The following BARD1 variants were observed in gnomAD, a reference collection of about 807,000 sequenced individuals.
BARD1 encodes BRCA1-associated RING domain protein 1.
A neutral mutation model predicts 77.0 loss-of-function variants in BARD1; 73 were observed. The observed-to-expected ratio is 0.95, with a 90% CI of 0.79 to 1.15. The LOEUF (loss-of-function observed/expected upper bound fraction) is 1.15, where lower values mean the gene tolerates loss of function less well. Ranked by LOEUF, BARD1 falls within the 50% of genes most tolerant of loss-of-function variation. The pLI, the probability that BARD1 is intolerant of heterozygous loss-of-function variation, is 0.00. For missense variants in BARD1, 993 were observed against 938.8 expected (o/e 1.06, Z -0.75); for synonymous variants, 384 against 338.0 (o/e 1.14, Z -1.49).
At chr2:214,791,292 C>T (rs575187457) in intron 3 of BARD1, among the ~76,000 whole-genome samples, 1 of 152,188 alleles carries the variant, frequency 6.6e-6, no homozygotes, top group South Asian at 2.1e-4. Flanking sequence ...AAAGTTTTTG[C>T]CACATTTATT....
At chr2:214,760,774 T>A (rs1693918015) in intron 6 of BARD1, among the ~76,000 whole-genome samples, 1 of 145,304 alleles carries the variant, frequency 6.9e-6, no homozygotes, top group African/African-American at 2.6e-5. Context: ...CACAGGGACT[T>A]TTTTCTTTTT....
intron 5 of BARD1, among the ~76,000 whole-genome samples, chr2:214,768,490 C>T (rs1271198164): frequency 1.3e-5 from 2 of 152,098 alleles, no homozygotes; most frequent in Non-Finnish European, 2.9e-5. Context: ...CAGTAGAGTC[C>T]AACCAGCAAA....
At chr2:214,773,048 T>C (rs1467597026) in intron 4 of BARD1, among the ~76,000 whole-genome samples, 3 of 152,186 alleles carry the variant, frequency 2.0e-5, no homozygotes, top group African/African-American at 7.2e-5. Context: ...CACTGAAGGC[T>C]GAAAATAAGA....
intron 6 of BARD1, among the ~76,000 whole-genome samples, chr2:214,765,020 A>G (rs1031225132): frequency 6.6e-6 from 1 of 152,096 alleles, no homozygotes; most frequent in Non-Finnish European, 1.5e-5. Flanking sequence ...CTACTTCCCA[A>G]CTGCCCAGCT....
Position 214,745,801 on chromosome 2 carries a change from C to A in BARD1, c.1731G>T (p.Leu577=). The part of the protein sequence containing the change: ...DGPLVLIGSG[L]SSEQQKMLSE... ...TGAGCATTTTCTGTTGTTCTGAAGACAGCCCACTGCCTATAAGTACAAGAG... is the reference window on the plus strand; with the variant it reads ...TGAGCATTTTCTGTTGTTCTGAAGAAAGCCCACTGCCTATAAGTACAAGAG... Residue 577 remains leucine, a synonymous_variant, in exon 8 of 11, where the codon CTG becomes CTT. Transcript: ENST00000260947. The A allele has an allele frequency of 6.2e-7, 1 of 1,613,992 alleles. No homozygotes were observed. Among genetic ancestry groups the A allele is most frequent in the Non-Finnish European group, 8.5e-7 (1 of 1,179,926 alleles).
At chr2:214,742,471 C>G (rs890576497) in intron 9 of BARD1, among the ~76,000 whole-genome samples, 3 of 152,198 alleles carry the variant, frequency 2.0e-5, no homozygotes, top group Non-Finnish European at 4.4e-5. Context: ...GGAAGTATCT[C>G]AAACTTTGAA....
rs749756887 is a variant in BARD1, at chr2:214,745,803, G to A, written c.1729C>T (p.Leu577=). The A allele has an allele frequency of 1.2e-6, 2 of 1,613,910 alleles. No homozygotes were observed. The highest frequency in any genetic ancestry group is 1.7e-4 in the Middle Eastern group (1 of 6,060). Residue 577 remains leucine (L), a synonymous_variant, in exon 8 of 11, where the codon CTG becomes TTG. Coordinates refer to ENST00000260947, the MANE Select transcript of BARD1 (RefSeq NM_000465.4). ...DGPLVLIGSG[L]SSEQQKMLSE... is the part of the protein sequence containing the mutation. ...AGCATTTTCTGTTGTTCTGAAGACA[G>A]CCCACTGCCTATAAGTACAAGAGGT... is the stretch of plus-strand genomic sequence containing the variant.
At chr2:214,788,152 G>C (rs4673901) in intron 3 of BARD1, among the ~76,000 whole-genome samples, 7,935 of 151,106 alleles carry the variant, frequency 0.053, 232 homozygotes, top group Admixed American at 0.084. Context: ...AAATAGAAAA[G>C]GAAATTGTAA....
At chr2:214,792,162 A>C (rs914735009) in intron 3 of BARD1, 135 bp downstream of exon 3, 25 of 967,668 alleles carry the variant, frequency 2.6e-5, no homozygotes, top group Admixed American at 1.3e-4. Flanking sequence ...AAAAAAAAAA[A>C]AAAAAACCTA....
chr2:214,772,745 T>A (rs1166796165), intron 4 of BARD1, among the ~76,000 whole-genome samples: 4 of 152,220 alleles, frequency 2.6e-5, no homozygotes. Context: ...TTGTCATATT[T>A]TCATCTTTCT....
At chr2:214,741,996 A>T (rs1692856479) in intron 9 of BARD1, among the ~76,000 whole-genome samples, 1 of 152,176 alleles carries the variant, frequency 6.6e-6, no homozygotes, top group Non-Finnish European at 1.5e-5. Flanking sequence ...TTACAAATAA[A>T]ATTCTACTTG....
chr2:214,783,728 C>A (rs1260306289), intron 3 of BARD1, among the ~76,000 whole-genome samples: 1 of 152,026 alleles, frequency 6.6e-6, no homozygotes, highest in Non-Finnish European at 1.5e-5. Flanking sequence ...CATCTACAAC[C>A]ATCTGATTTT....
At chr2:214,774,615 A>G (rs1694658776) in intron 4 of BARD1, among the ~76,000 whole-genome samples, 1 of 152,204 alleles carries the variant, frequency 6.6e-6, no homozygotes, top group South Asian at 2.1e-4. Flanking sequence ...TCTAAATGGT[A>G]AATGAGCATT....
At chr2:214,779,283 C>T (rs528906678) in intron 4 of BARD1, among the ~76,000 whole-genome samples, 1 of 152,248 alleles carries the variant, frequency 6.6e-6, no homozygotes, top group Non-Finnish European at 1.5e-5. Context: ...GATGTATTTG[C>T]AAATAACCTA....
intron 4 of BARD1, among the ~76,000 whole-genome samples, chr2:214,779,777 T>C (rs777665845): frequency 6.6e-6 from 1 of 152,216 alleles, no homozygotes; most frequent in Non-Finnish European, 1.5e-5. Flanking sequence ...TCGCTGAGAC[T>C]GCATAAAAGC....
intron 4 of BARD1, among the ~76,000 whole-genome samples, chr2:214,772,257 C>T (rs1004659505): frequency 3.9e-5 from 6 of 152,122 alleles, no homozygotes; most frequent in African/African-American, 1.2e-4. Flanking sequence ...GCAACTTTTG[C>T]TTTATATTCA....
intron 9 of BARD1, among the ~76,000 whole-genome samples, chr2:214,738,217 A>G (rs1196202657): frequency 2.6e-5 from 4 of 152,198 alleles, no homozygotes; most frequent in Non-Finnish European, 5.9e-5. Flanking sequence ...TGAACTACTT[A>G]GCTATTACAA....
intron 6 of BARD1, among the ~76,000 whole-genome samples, chr2:214,756,696 G>A (rs1693710121): frequency 6.6e-6 from 1 of 152,200 alleles, no homozygotes; most frequent in Non-Finnish European, 1.5e-5. Flanking sequence ...GATGGGACTG[G>A]AGACTATTAT....
At position 214,727,259 on chromosome 2, in the gene BARD1, TAAAC is replaced by T. The variant is rs1692121757; in HGVS notation, c.*1413_*1416del. 1 of 229,758 alleles carries T rather than the reference TAAAC, an allele frequency of 4.4e-6. No individual in the cohort carries two copies. The highest frequency in any genetic ancestry group is 6.2e-5 in the East Asian group (1 of 16,032). 14.2% of individuals were successfully genotyped at this position (229,758 alleles called of 1,614,324 possible). A position where few individuals can be genotyped will look rare whatever the true frequency, so the allele number is the denominator to read the frequency against. ...TAAAGCAAAATGTGTTTTCAAATGATAAACAGAATCTCAAACTTTCAAGTAAGTG... is the reference window on the plus strand; with the variant it reads ...TAAAGCAAAATGTGTTTTCAAATGATAGAATCTCAAACTTTCAAGTAAGTG... On this transcript the variant is annotated 3_prime_UTR_variant, in exon 11 of 11. Transcript: ENST00000260947.
Sources: allele counts gnomAD v4.1 joint callset (sites outside exome capture counted in the v4.1 genomes callset), GRCh38; gene constraint gnomAD v4.1.1; transcripts MANE v1.5; gene names NCBI Gene and HGNC (gene_info 2026-07-23, HGNC 2026-07-21).